FRRS1L: variants seen among roughly 807,000 people sequenced by gnomAD.
FRRS1L encodes the protein DOMON domain-containing protein FRRS1L.
In FRRS1L, 22 loss-of-function variants were observed where a neutral mutation model predicts 28.6. The ratio of observed to expected loss-of-function variants is 0.77; its 90% CI spans 0.55 to 1.10. The LOEUF is 1.10. FRRS1L is among the 50% of genes least tolerant of loss of function. The pLI, the probability that FRRS1L is intolerant of heterozygous loss-of-function variation, is 0.00. For synonymous variants in FRRS1L, 158 were observed against 151.4 expected, an observed-to-expected ratio of 1.04 and a Z score of -0.32; for missense variants, 380 against 386.9, an observed-to-expected ratio of 0.98 and a Z score of 0.15.
chr9:109,153,791 T>C (rs1359838725), intron 1 of FRRS1L, among the ~76,000 whole-genome samples: 1 of 152,192 alleles, frequency 6.6e-6, no homozygotes, highest in Non-Finnish European at 1.5e-5. Flanking sequence ...TACTGGAATA[T>C]AAGCAGAGCA....
chr9:109,160,580 G>T (rs2118509710), intron 1 of FRRS1L, among the ~76,000 whole-genome samples: 1 of 151,830 alleles, frequency 6.6e-6, no homozygotes, highest in South Asian at 2.1e-4. Context: ...TAGAGATGGG[G>T]TATCACTTTC....
At chr9:109,143,508 T>A (rs1406936871) in intron 3 of FRRS1L, among the ~76,000 whole-genome samples, 1 of 126,178 alleles carries the variant, frequency 7.9e-6, no homozygotes, top group Admixed American at 9.9e-5. Flanking sequence ...ACGCACACAA[T>A]AATGCACCTT....
chr9:109,166,284 G>C (rs927125908), intron 1 of FRRS1L, among the ~76,000 whole-genome samples: 1 of 152,114 alleles, frequency 6.6e-6, no homozygotes, highest in Non-Finnish European at 1.5e-5. Flanking sequence ...GGCCCAGCAG[G>C]CCACAACAAT....
chr9:109,154,049 A>G (rs1420103529), intron 1 of FRRS1L, among the ~76,000 whole-genome samples: 2 of 152,178 alleles, frequency 1.3e-5, no homozygotes, highest in African/African-American at 4.8e-5. Flanking sequence ...GCAAGTTCTC[A>G]GCAACTCTAC....
chr9:109,166,448 A>G (rs1030204727), intron 1 of FRRS1L, among the ~76,000 whole-genome samples: 1 of 152,146 alleles, frequency 6.6e-6, no homozygotes, highest in African/African-American at 2.4e-5. Flanking sequence ...AAGTCAATAC[A>G]GACAGGGAGG....
Position 109,131,524 on chromosome 9 carries a change from G to A in FRRS1L, c.*5931C>T, listed in dbSNP as rs969471411. ...TTTGTGTATAAACACACACCATCAT[G>A]TATGTACAAATATACACATGCTCCT... On this transcript the variant is annotated 3_prime_UTR_variant, in exon 5 of 5. Transcript: ENST00000561981. 5 of 152,176 alleles carry A rather than the reference G, an allele frequency of 3.3e-5. No homozygotes were observed. Among genetic ancestry groups the A allele is most frequent in the African/African-American group, 9.7e-5 (4 of 41,432 alleles). The allele number at this position is 152,176 out of a possible 1,614,324, so 9.4% of individuals were successfully genotyped here. A position where few individuals can be genotyped will look rare whatever the true frequency, so the allele number is the denominator to read the frequency against.
intron 2 of FRRS1L, 182 bp from the exon 3 acceptor site, chr9:109,147,371 C>G: frequency 1.7e-6 from 1 of 575,568 alleles, no homozygotes; most frequent in Non-Finnish European, 3.1e-6. Context: ...TGATCTGCCC[C>G]ACTTTGTACA....
Position 109,167,242 on chromosome 9 carries a change from G to T in FRRS1L, c.-104C>A. ...GCCGAGGCCACCAGCACGCGCCCGC[G>T]CAGCCGCGGAGCCTCCCGCACCCCC... On this transcript the variant is annotated 5_prime_UTR_variant, in exon 1 of 5. Coordinates refer to ENST00000561981, the MANE Select transcript of FRRS1L (RefSeq NM_014334.4). 1 of 1,387,556 alleles carries T rather than the reference G, an allele frequency of 7.2e-7. No homozygotes were observed. The highest frequency in any genetic ancestry group is 9.4e-7 in the Non-Finnish European group (1 of 1,066,818). 86.0% of individuals were successfully genotyped at this position (1,387,556 alleles called of 1,614,324 possible).
At position 109,137,384 on chromosome 9, in the gene FRRS1L, A is replaced by G. The variant is rs1052187481; in HGVS notation, c.*71T>C. On this transcript the variant is annotated 3_prime_UTR_variant, in exon 5 of 5. Coordinates refer to ENST00000561981, the MANE Select transcript of FRRS1L (RefSeq NM_014334.4). Reference sequence around the variant, plus strand: ...ATAATTGAAGCTAAAATTATACTGGATATTCTTTAAAAAATATATTTATAC... The same window carrying G: ...ATAATTGAAGCTAAAATTATACTGGGTATTCTTTAAAAAATATATTTATAC... The G allele has an allele frequency of 2.1e-6, 2 of 947,742 alleles. No homozygotes were observed. Among genetic ancestry groups the G allele is most frequent in the Admixed American group, 2.8e-5 (1 of 35,872 alleles). 58.7% of individuals were successfully genotyped at this position (947,742 alleles called of 1,614,324 possible). A position where few individuals can be genotyped will look rare whatever the true frequency, so the allele number is the denominator to read the frequency against.
At chr9:109,140,206 CT>C (rs1322965019) in intron 4 of FRRS1L, 2 of 152,336 alleles carry the variant, frequency 1.3e-5, no homozygotes, top group Non-Finnish European at 2.9e-5. Flanking sequence ...AATCCCAGCA[CT>C]TAGGGAGGCC....
intron 1 of FRRS1L, among the ~76,000 whole-genome samples, chr9:109,160,848 A>C (rs1336912559): frequency 1.4e-5 from 2 of 144,018 alleles, no homozygotes; most frequent in African/African-American, 2.6e-5. Flanking sequence ...GCTGGAGTGC[A>C]ATGGCATGAT....
At chr9:109,137,980 G>A (rs1461047089) in intron 4 of FRRS1L, 1 of 154,198 alleles carries the variant, frequency 6.5e-6, no homozygotes, top group Non-Finnish European at 1.4e-5. Context: ...TATGAGTTTT[G>A]TCTTATTAAT....
chr9:109,162,112 T>C (rs1429356382), intron 1 of FRRS1L, among the ~76,000 whole-genome samples: 1 of 152,102 alleles, frequency 6.6e-6, no homozygotes, highest in Non-Finnish European at 1.5e-5. Flanking sequence ...GGTCAGGAGT[T>C]CAAGATCAGC....
chr9:109,167,091 G>C lies in FRRS1L; in HGVS notation c.48C>G (p.Leu16=). The C allele has an allele frequency of 8.5e-7, 1 of 1,182,612 alleles. No individual in the cohort carries two copies. The highest frequency in any genetic ancestry group is 3.4e-5 in the South Asian group (1 of 29,378). 73.3% of individuals were successfully genotyped at this position (1,182,612 alleles called of 1,614,324 possible). Residue 16 remains leucine, a synonymous_variant, in exon 1 of 5, where the codon CTC becomes CTG. Coordinates refer to ENST00000561981, the MANE Select transcript of FRRS1L (RefSeq NM_014334.4). ...RQHPGVWASL[L]LLLLTGPAAC... is the part of the protein sequence containing the mutation. ...CGGCGGGCCCCGTCAGTAGCAGCAG[G>C]AGCAGCGACGCCCAGACCCCCGGGT...
intron 1 of FRRS1L, among the ~76,000 whole-genome samples, chr9:109,155,443 G>T (rs983638876): frequency 1.3e-5 from 2 of 152,210 alleles, no homozygotes; most frequent in Admixed American, 1.3e-4. Flanking sequence ...GCTGGGCACA[G>T]TGGCTCATGC....
chr9:109,163,438 A>G (rs1306401236), intron 1 of FRRS1L, among the ~76,000 whole-genome samples: 3 of 152,168 alleles, frequency 2.0e-5, no homozygotes, highest in African/African-American at 7.2e-5. Context: ...CATGAGTAGT[A>G]TAGGCTTAGA....
At chr9:109,140,579 A>G (rs1300837989) in intron 4 of FRRS1L, 3 of 152,198 alleles carry the variant, frequency 2.0e-5, no homozygotes, top group Non-Finnish European at 4.4e-5. Context: ...AATGGGTTAA[A>G]CTATGGGATA....
chr9:109,166,903 T>C lies in FRRS1L; in HGVS notation c.236A>G (p.Glu79Gly). ...EFYDLRYLSE[E>G]GYPFPTAPPV... is the part of the protein sequence containing the mutation. ...CCCTCGCCCTCCCGCAGCCTCACCCTCCTCCGACAGGTAGCGCAGGTCGTA... is the reference window on the plus strand; with the variant it reads ...CCCTCGCCCTCCCGCAGCCTCACCCCCCTCCGACAGGTAGCGCAGGTCGTA... The change falls in exon 1 of 5, where the codon GAG becomes GGG. Residue 79 changes from glutamate (E) to glycine (G), a missense_variant and splice_region_variant. Transcript: ENST00000561981. 2 of 985,312 alleles carry C rather than the reference T, an allele frequency of 2.0e-6. No homozygotes were observed. Among genetic ancestry groups the C allele is most frequent in the Admixed American group, 3.9e-5 (1 of 25,924 alleles). 61.0% of individuals were successfully genotyped at this position (985,312 alleles called of 1,614,324 possible). A position where few individuals can be genotyped will look rare whatever the true frequency, so the allele number is the denominator to read the frequency against.
chr9:109,138,910 C>T (rs2118462201), intron 4 of FRRS1L: 1 of 151,818 alleles, frequency 6.6e-6, no homozygotes, highest in East Asian at 2.0e-4. Flanking sequence ...ATTAAAAGGG[C>T]ATTCAGGAGG....
Sources: allele counts gnomAD v4.1 joint callset (sites outside exome capture counted in the v4.1 genomes callset), GRCh38; gene constraint gnomAD v4.1.1; transcripts MANE v1.5; gene names NCBI Gene and HGNC (gene_info 2026-07-23, HGNC 2026-07-21).